Variants in WWOX observed in about 807,000 individuals in gnomAD.
WWOX encodes WW domain containing oxidoreductase.
WWOX carries 69 observed loss-of-function variants against 46.2 expected under a neutral mutation model. The observed-to-expected ratio is 1.49, with a 90% CI of 1.23 to 1.82. The LOEUF (loss-of-function observed/expected upper bound fraction) is 1.82, where lower values mean the gene tolerates loss of function less well. WWOX is among the 40% of genes most tolerant of loss of function. The pLI is 0.00. For synonymous variants in WWOX, 359 were observed against 202.6 expected (o/e 1.77, Z -6.56); for missense variants, 919 against 542.6 (o/e 1.69, Z -6.89).
chr16:78,153,089 G>A (rs1380180565), intron 4 of WWOX, among the ~76,000 whole-genome samples: 1 of 152,124 alleles, frequency 6.6e-6, no homozygotes, highest in Non-Finnish European at 1.5e-5. Flanking sequence ...TGTGGATCGT[G>A]TTTAGTAAGC....
rs557901471 is a variant in WWOX, at chr16:78,881,043, G to A, written c.1057-330565G>A. Among the ~76,000 whole-genome samples the A allele has an allele frequency of 7.6e-5, 11 of 144,042 alleles. No homozygotes were observed. In the East Asian group the frequency reaches 1.4e-3, roughly 19 times the overall value. 94.5% of individuals were successfully genotyped at this position (144,042 alleles called of 152,430 possible). ...AGTCTCGCCCTGTTGCCAGGCTGGA[G>A]TGTGGTGGCAGGATCACGGCTCACT... On this transcript the variant is annotated intron_variant, in intron 8 of 8. Coordinates refer to ENST00000566780, the MANE Select transcript of WWOX (RefSeq NM_016373.4).
intron 8 of WWOX, among the ~76,000 whole-genome samples, chr16:78,562,252 C>T (rs533113389): frequency 4.6e-5 from 7 of 152,326 alleles, no homozygotes; most frequent in African/African-American, 1.4e-4. Flanking sequence ...GGGAATGCTG[C>T]CTCTAGCTCT....
intron 4 of WWOX, among the ~76,000 whole-genome samples, chr16:78,141,844 A>G (rs2033999792): frequency 6.6e-6 from 1 of 152,154 alleles, no homozygotes; most frequent in South Asian, 2.1e-4. Context: ...AAATTTCCTA[A>G]ATAACTGGCA....
At chr16:78,120,360 G>A (rs918713267) in intron 4 of WWOX, among the ~76,000 whole-genome samples, 37 of 152,176 alleles carry the variant, frequency 2.4e-4, no homozygotes, top group Non-Finnish European at 3.7e-4. Flanking sequence ...CATGAGGTCA[G>A]GAGATCGAGA....
At chr16:78,285,379 A>T (rs2079750287) in intron 5 of WWOX, among the ~76,000 whole-genome samples, 1 of 152,160 alleles carries the variant, frequency 6.6e-6, no homozygotes, top group East Asian at 1.9e-4. Context: ...CAGAAGTTCA[A>T]CATTATAGTG....
intron 5 of WWOX, among the ~76,000 whole-genome samples, chr16:78,269,382 T>G (rs2079429834): frequency 6.6e-6 from 1 of 152,208 alleles, no homozygotes; most frequent in Non-Finnish European, 1.5e-5. Context: ...GGTTCCCATG[T>G]TAGTCCCTGC....
intron 8 of WWOX, among the ~76,000 whole-genome samples, chr16:78,513,380 A>G (rs369179596): frequency 1.3e-5 from 2 of 152,184 alleles, no homozygotes. Context: ...ATAATGATTG[A>G]GATAGGGTAT....
chr16:78,177,307 T>C (rs2035382902), intron 5 of WWOX, among the ~76,000 whole-genome samples: 1 of 152,206 alleles, frequency 6.6e-6, no homozygotes, highest in Non-Finnish European at 1.5e-5. Flanking sequence ...CCAACATCTA[T>C]TACGTGCTAG....
At chr16:78,616,567 C>G (rs182499922) in intron 8 of WWOX, among the ~76,000 whole-genome samples, 62 of 151,462 alleles carry the variant, frequency 4.1e-4, no homozygotes, top group African/African-American at 1.5e-3. Context: ...GTCAGGAGGT[C>G]GAGACCAGCC....
At chr16:78,774,287 G>C (rs1002985313) in intron 8 of WWOX, among the ~76,000 whole-genome samples, 1 of 152,152 alleles carries the variant, frequency 6.6e-6, no homozygotes, top group Non-Finnish European at 1.5e-5. Context: ...TGTAATCCCA[G>C]CTACTCAGGA....
In WWOX at chr16:79,211,985, T is replaced by TCA; in HGVS notation, c.*191_*192dup. 2 of 1,531,792 alleles carry TCA rather than the reference T, an allele frequency of 1.3e-6. No individual in the cohort carries two copies. Among genetic ancestry groups the TCA allele is most frequent in the Non-Finnish European group, 1.7e-6 (2 of 1,145,922 alleles). The allele number at this position is 1,531,792 out of a possible 1,614,324, so 94.9% of individuals were successfully genotyped here. ...AGCAGGGAATTCCTGGGGTAAAGTA[T>TCA]CACTTTTCTGGGGCTGGGCTAGGCA... On this transcript the variant is annotated 3_prime_UTR_variant, in exon 9 of 9. Transcript: ENST00000566780.
chr16:78,389,888 T>A (rs1567543768), intron 6 of WWOX, among the ~76,000 whole-genome samples: 1 of 152,196 alleles, frequency 6.6e-6, no homozygotes, highest in Non-Finnish European at 1.5e-5. Context: ...TAGCTGGGAT[T>A]ACAGGTGCAG....
At chr16:78,268,057 G>C (rs554486836) in intron 5 of WWOX, among the ~76,000 whole-genome samples, 3 of 152,138 alleles carry the variant, frequency 2.0e-5, no homozygotes, top group Non-Finnish European at 4.4e-5. Flanking sequence ...TGACTCAAGC[G>C]ATCTGCCTGC....
chr16:78,743,268 C>A (rs149637811), intron 8 of WWOX, among the ~76,000 whole-genome samples: 5 of 152,212 alleles, frequency 3.3e-5, no homozygotes, highest in Non-Finnish European at 5.9e-5. Flanking sequence ...AGGAGATTGG[C>A]CCTGTGTATC....
intron 8 of WWOX, among the ~76,000 whole-genome samples, chr16:78,508,188 T>C (rs888252988): frequency 1.3e-5 from 2 of 152,092 alleles, no homozygotes; most frequent in Non-Finnish European, 2.9e-5. Flanking sequence ...TTTGTATTTT[T>C]TTAGTAGAGA....
At position 78,786,246 on chromosome 16, in the gene WWOX, G is replaced by C. The variant is rs546726990; in HGVS notation, c.1056+353494G>C. 7.9e-5 allele frequency among the ~76,000 whole-genome samples: 12 copies of C among 152,250 alleles called. No homozygotes were observed. The South Asian group carries it at 2.5e-3, about 32-fold the overall frequency. On this transcript the variant is annotated intron_variant, in intron 8 of 8. Transcript: ENST00000566780. ...TTTCTACCCCACTTTCTTAAGTCGA[G>C]ACAATCAATAAAGCAATAAATGACA... is the stretch of plus-strand genomic sequence containing the variant.
In WWOX at chr16:78,407,507, A is replaced by G. The variant is rs1005244980; in HGVS notation, c.606-17363A>G. Among the ~76,000 whole-genome samples the G allele has an allele frequency of 4.6e-5, 7 of 152,174 alleles. 1 individual carries two copies. The highest frequency in any genetic ancestry group is 2.1e-4 in the South Asian group (1 of 4,826). ...TTTTGGGGAGCATGTTAACAATTTC[A>G]CTTACAAATCTTCTGTGTAACTCAA... is the stretch of plus-strand genomic sequence containing the variant. On this transcript the variant is annotated intron_variant, in intron 6 of 8. Transcript: ENST00000566780.
chr16:78,865,280 C>G (rs758764738), intron 8 of WWOX, among the ~76,000 whole-genome samples: 3 of 151,932 alleles, frequency 2.0e-5, no homozygotes, highest in Non-Finnish European at 4.4e-5. Flanking sequence ...TTCACTTTCT[C>G]TGTTATTCCT....
chr16:79,124,502 C>A (rs1043921019), intron 8 of WWOX, among the ~76,000 whole-genome samples: 1 of 152,158 alleles, frequency 6.6e-6, no homozygotes, highest in African/African-American at 2.4e-5. Flanking sequence ...TCTGTCTGAC[C>A]TGTCACGTTA....
Sources: gnomAD v4.1 joint callset for allele counts (sites outside exome capture counted in the v4.1 genomes callset) on GRCh38, gnomAD v4.1.1 for gene constraint, MANE v1.5 for transcripts, NCBI Gene and HGNC (gene_info 2026-07-23, HGNC 2026-07-21) for gene names.